The following TMCO5A variants were observed in gnomAD, a reference collection of about 807,000 sequenced individuals.
The protein encoded by TMCO5A is transmembrane and coiled-coil domains 5A, also known as transmembrane and coiled-coil domain-containing protein 5A.
A neutral mutation model predicts 42.3 loss-of-function variants in TMCO5A; 34 were observed. The ratio of observed to expected loss-of-function variants is 0.80; its 90% CI spans 0.61 to 1.07. TMCO5A has a LOEUF of 1.07. Ranked by LOEUF, TMCO5A falls within the 50% of genes least tolerant of loss-of-function variation. TMCO5A has a pLI of 0.00. For missense variants in TMCO5A, 357 were observed against 327.9 expected (o/e 1.09, Z -0.69); for synonymous variants, 131 against 115.6 (o/e 1.13, Z -0.86).
the TMCO5A span, among the ~76,000 whole-genome samples, chr15:38,025,234 A>C: frequency 6.6e-6 from 1 of 151,822 alleles, no homozygotes; most frequent in African/African-American, 2.4e-5. Flanking sequence ...GTGGAAGCAG[A>C]AAATGTATTG....
the TMCO5A span, among the ~76,000 whole-genome samples, chr15:37,973,052 G>A: frequency 6.6e-6 from 1 of 151,900 alleles, no homozygotes; most frequent in East Asian, 1.9e-4. Flanking sequence ...CCCATTGCCT[G>A]TTTTGTCAAC....
chr15:37,960,986 GGAC>G, intron 11 of TMCO5A, among the ~76,000 whole-genome samples: 1 of 150,148 alleles, frequency 6.7e-6, no homozygotes, highest in East Asian at 2.0e-4. Flanking sequence ...GCCACTCTGT[GGAC>G]TGTCTGTTTA....
chr15:37,975,851 C>T, the TMCO5A span, among the ~76,000 whole-genome samples: 1 of 151,112 alleles, frequency 6.6e-6, no homozygotes, highest in South Asian at 2.1e-4. Flanking sequence ...GTTTTTGTGG[C>T]GGACAATATT....
downstream of TMCO5A, among the ~76,000 whole-genome samples, chr15:37,971,901 T>G (rs980727327): frequency 6.6e-6 from 1 of 152,206 alleles, no homozygotes; most frequent in African/African-American, 2.4e-5. Flanking sequence ...TTAACAAGTC[T>G]CTAGGGAATT....
exon 12 of TMCO5A, chr15:37,966,758 G>A (rs914611895): frequency 1.4e-6 from 1 of 699,974 alleles, no homozygotes; most frequent in Non-Finnish European, 2.6e-6. Flanking sequence ...TCATAAACTG[G>A]CCTATCTGAG....
Position 37,951,051 on chromosome 15 carries a change from C to T in TMCO5A, c.684C>T (p.Leu228=). The stretch of plus-strand genomic sequence containing the variant: ...CTCTTTTTAGGATTTTTTGCTGTCT[C>T]TTTTTCATCACCCTATTTTTCATCA... ...RLFSKKIFCC[L]FFITLFFIRL... Residue 228 remains leucine (L), a synonymous_variant, in exon 12 of 12, where the codon CTC becomes CTT. Transcript: ENST00000319669. 1 of 1,611,700 alleles carries T rather than the reference C, an allele frequency of 6.2e-7. No individual in the cohort carries two copies. The highest frequency in any genetic ancestry group is 1.1e-5 in the South Asian group (1 of 90,794).
chr15:37,998,176 C>T, the TMCO5A span, among the ~76,000 whole-genome samples: 1 of 151,920 alleles, frequency 6.6e-6, no homozygotes, highest in African/African-American at 2.4e-5. Context: ...TGAATTTTTC[C>T]TTTGCTCTGT....
At chr15:37,986,795 G>T in the TMCO5A span, among the ~76,000 whole-genome samples, 22 of 151,806 alleles carry the variant, frequency 1.4e-4, no homozygotes, top group Admixed American at 1.3e-4. Context: ...TTTTAAGACT[G>T]AATAATTCAT....
chr15:38,005,570 C>T, the TMCO5A span, among the ~76,000 whole-genome samples: 2 of 151,776 alleles, frequency 1.3e-5, no homozygotes, highest in Non-Finnish European at 2.9e-5. Flanking sequence ...GAGTAAGACG[C>T]TGTCTCTAAA....
the TMCO5A span, among the ~76,000 whole-genome samples, chr15:37,990,488 C>T: frequency 6.6e-6 from 1 of 151,970 alleles, no homozygotes; most frequent in African/African-American, 2.4e-5. Flanking sequence ...TACTGTTAAC[C>T]TATTCATATC....
the TMCO5A span, among the ~76,000 whole-genome samples, chr15:37,985,368 C>G: frequency 6.6e-6 from 1 of 152,080 alleles, no homozygotes; most frequent in Non-Finnish European, 1.5e-5. Flanking sequence ...GGATTCCATG[C>G]TCTGCTGTAA....
chr15:37,990,639 G>A, the TMCO5A span, among the ~76,000 whole-genome samples: 2 of 151,798 alleles, frequency 1.3e-5, no homozygotes, highest in African/African-American at 2.4e-5. Flanking sequence ...TACTGATAAC[G>A]ATAAACTGAT....
At chr15:38,030,856 GA>G in the TMCO5A span, among the ~76,000 whole-genome samples, 3 of 152,058 alleles carry the variant, frequency 2.0e-5, no homozygotes, top group African/African-American at 7.2e-5. Context: ...GGAACCCTTT[GA>G]TTGCCCAAAA....
chr15:37,972,387 T>C (rs116456806), downstream of TMCO5A, among the ~76,000 whole-genome samples: 1,415 of 152,278 alleles, frequency 9.3e-3, 27 homozygotes, highest in African/African-American at 0.031. Context: ...CCAAACCATA[T>C]CACAGTCCCA....
chr15:37,951,008 T>C, intron 11 of TMCO5A, 28 bp from the exon 12 acceptor site: 1 of 1,600,384 alleles, frequency 6.2e-7, no homozygotes, highest in East Asian at 2.2e-5. Flanking sequence ...AGCTTCTGGT[T>C]AACAGTTTCA....
chr15:38,035,200 A>G, the TMCO5A span, among the ~76,000 whole-genome samples: 1,426 of 152,356 alleles, frequency 9.4e-3, 27 homozygotes, highest in African/African-American at 0.033. Flanking sequence ...CAAGAATTCT[A>G]CATCCAAACA....
At chr15:37,989,653 A>G in the TMCO5A span, among the ~76,000 whole-genome samples, 2 of 152,048 alleles carry the variant, frequency 1.3e-5, no homozygotes, top group Admixed American at 1.3e-4. Flanking sequence ...GTTAGGGAAG[A>G]GGATCTCTTA....
chr15:37,938,195 A>G lies in TMCO5A; in HGVS notation c.353A>G (p.Gln118Arg). 6.3e-7 allele frequency: 1 copy of G among 1,582,790 alleles called. No individual in the cohort carries two copies. The highest frequency in any genetic ancestry group is 8.6e-7 in the Non-Finnish European group (1 of 1,163,106). ...TCACAAAAGATAACCAATTGTGAAC[A>G]AAGCAGTCCAGATGGAGCCCTAGAA... ...RKSQKITNCE[Q>R]SSPDGALEET... Residue 118 changes from glutamine to arginine, a missense_variant, in exon 6 of 12, where the codon CAA becomes CGA. Coordinates refer to ENST00000319669, the MANE Select transcript of TMCO5A (RefSeq NM_152453.4).
At chr15:37,960,137 A>G (rs1890385743) in intron 11 of TMCO5A, among the ~76,000 whole-genome samples, 1 of 151,704 alleles carries the variant, frequency 6.6e-6, no homozygotes, top group Non-Finnish European at 1.5e-5. Flanking sequence ...CTACATTTGC[A>G]GTCTTTTTTA....
Sources: gnomAD v4.1 joint callset for allele counts (sites outside exome capture counted in the v4.1 genomes callset) on GRCh38, gnomAD v4.1.1 for gene constraint, MANE v1.5 for transcripts, NCBI Gene and HGNC (gene_info 2026-07-23, HGNC 2026-07-21) for gene names.